PHEX: variants seen among roughly 807,000 people sequenced by gnomAD.
PHEX encodes the protein phosphate regulating endopeptidase X-linked.
A neutral mutation model predicts 68.0 loss-of-function variants in PHEX; 16 were observed. That is an observed-to-expected ratio of 0.24 (90% CI 0.16 to 0.36). PHEX has a LOEUF of 0.36. PHEX is among the 10% of genes least tolerant of loss of function. The pLI is 1.00. For missense variants in PHEX, 480 were observed against 575.5 expected, an observed-to-expected ratio of 0.83 and a Z score of 1.70; for synonymous variants, 208 against 205.1, an observed-to-expected ratio of 1.01 and a Z score of -0.12.
intron 18 of PHEX, among the ~76,000 whole-genome samples, chrX:22,224,050 T>C (rs1209458664): frequency 9.0e-6 from 1 of 111,551 alleles, no homozygotes. Context: ...TGGTGTGATC[T>C]CGGCTCACTA....
chrX:22,133,544 G>A lies in PHEX; in HGVS notation c.1324G>A (p.Val442Ile), dbSNP rs777167473. 17 of 1,206,058 alleles carry A rather than the reference G, an allele frequency of 1.4e-5. No homozygotes were observed. The highest frequency in any genetic ancestry group is 3.5e-5 in the South Asian group (2 of 56,675). ...GTAGATGGAGGAATTGGTTGAGGGC[G>A]TTCGCTGGGCCTTTATTGACATGCT... ...KEMMEELVEG[V>I]RWAFIDMLEK... The change falls in exon 12 of 22, where the codon GTT becomes ATT. Residue 442 changes from valine (V) to isoleucine (I), a missense_variant. Coordinates refer to ENST00000379374, the MANE Select transcript of PHEX (RefSeq NM_000444.6).
chrX:22,208,838 G>C (rs753976894), intron 15 of PHEX, among the ~76,000 whole-genome samples: 2 of 112,238 alleles, frequency 1.8e-5, no homozygotes, highest in South Asian at 7.4e-4. Flanking sequence ...ACTGTGCTAT[G>C]CAAAAGTATG....
At chrX:22,091,823 G>T (rs193192265) in intron 6 of PHEX, among the ~76,000 whole-genome samples, 40 of 112,101 alleles carry the variant, frequency 3.6e-4, no homozygotes, top group African/African-American at 1.2e-3. Context: ...GGCTGGGGAG[G>T]CCTCACAATC....
Position 22,032,519 on chromosome X carries a change from T to A in PHEX, c.-487T>A, listed in dbSNP as rs1926844692. 8.2e-6 allele frequency: 1 copy of A among 121,480 alleles called. No individual in the cohort carries two copies. The highest frequency in any genetic ancestry group is 3.2e-5 in the African/African-American group (1 of 30,920). 10.0% of individuals were successfully genotyped at this position (121,480 alleles called of 1,213,427 possible). ...GAATGATTCTTGCAACAGAATTACA[T>A]GATTAATTGAGATCTTGAAGTGGGT... On this transcript the variant is annotated 5_prime_UTR_variant, in exon 1 of 22. It removes an upstream start codon present in the reference 5' UTR. Coordinates refer to ENST00000379374, the MANE Select transcript of PHEX (RefSeq NM_000444.6).
In PHEX at chrX:22,033,108, A is replaced by G; in HGVS notation, c.103A>G (p.Thr35Ala). 8.3e-7 allele frequency: 1 copy of G among 1,198,075 alleles called. No individual in the cohort carries two copies. Reference sequence around the variant, plus strand: ...TGTCGGTGGCACCCTAGTTCTGGGCACGATCCTCTTTCTAGGTAAGTGGAG... The same window carrying G: ...TGTCGGTGGCACCCTAGTTCTGGGCGCGATCCTCTTTCTAGGTAAGTGGAG... Reference protein sequence around the residue: ...VFVGGTLVLGTILFLVSQGLL... With the variant: ...VFVGGTLVLGAILFLVSQGLL... The change falls in exon 1 of 22, where the codon ACG becomes GCG. Residue 35 changes from threonine to alanine, a missense_variant. By Grantham distance (58) the Thr-to-Ala change is moderately conservative (BLOSUM62 0). Transcript: ENST00000379374.
chrX:22,178,319 G>T lies in PHEX; in HGVS notation c.1529G>T (p.Arg510Leu), dbSNP rs915608304. Residue 510 changes from arginine to leucine, a missense_variant, in exon 14 of 22, where the codon CGC becomes CTC. Arg to Leu is a moderately radical substitution (Grantham distance 102). Coordinates refer to ENST00000379374, the MANE Select transcript of PHEX (RefSeq NM_000444.6). ...ADYFGNVLQT[R>L]KYLAQSDFFW... ...TACTTTGGCAACGTCCTACAAACTC[G>T]CAAGTATTTAGCACAGTCTGATTTC... 8.3e-7 allele frequency: 1 copy of T among 1,202,723 alleles called. No homozygotes were observed. The highest frequency in any genetic ancestry group is 1.8e-5 in the South Asian group (1 of 56,675).
chrX:22,156,312 A>C (rs1378288775), intron 12 of PHEX, among the ~76,000 whole-genome samples: 1 of 110,426 alleles, frequency 9.1e-6, no homozygotes, highest in Non-Finnish European at 1.9e-5. Context: ...TCCTGGCGCC[A>C]ACTTTTTATC....
chrX:22,055,210 A>AAAAAAAAAAAAAAAAAAAAC (rs1928040383), intron 3 of PHEX, among the ~76,000 whole-genome samples: 1 of 74,295 alleles, frequency 1.3e-5, no homozygotes, highest in Non-Finnish European at 2.5e-5. Context: ...AAAAAAAAAA[A>AAAAAAAAAAAAAAAAAAAAC]AAAAACAGAC....
intron 20 of PHEX, among the ~76,000 whole-genome samples, chrX:22,243,545 CTAATATCCAGA>C (rs1348661840): frequency 9.0e-6 from 1 of 111,637 alleles, no homozygotes; most frequent in African/African-American, 3.3e-5. Flanking sequence ...TGACAAAGGG[CTAATATCCAGA>C]ATCTACAAAG....
intron 15 of PHEX, among the ~76,000 whole-genome samples, chrX:22,201,543 T>G (rs1934557635): frequency 9.1e-6 from 1 of 110,439 alleles, no homozygotes; most frequent in Non-Finnish European, 1.9e-5. Context: ...TTGGAGGTCC[T>G]GATACAGACC....
chrX:22,098,291 G>T (rs929121037), intron 8 of PHEX, among the ~76,000 whole-genome samples: 1 of 107,262 alleles, frequency 9.3e-6, no homozygotes, highest in Non-Finnish European at 1.9e-5. Context: ...GAGTATGGGA[G>T]GAAGAAAGAG....
At chrX:22,037,509 T>C (rs1763835836) in intron 1 of PHEX, among the ~76,000 whole-genome samples, 1 of 112,356 alleles carries the variant, frequency 8.9e-6, no homozygotes, top group South Asian at 3.7e-4. Flanking sequence ...AATGCCCAGG[T>C]GCTACCTGGG....
intron 11 of PHEX, among the ~76,000 whole-genome samples, chrX:22,130,081 A>C (rs1002049): frequency 0.022 from 2,489 of 111,919 alleles, 50 homozygotes; most frequent in South Asian, 0.069. Flanking sequence ...ACTTTCCCAC[A>C]TAAAATGAGT....
chrX:22,040,276 C>T (rs747819117), intron 2 of PHEX, among the ~76,000 whole-genome samples: 1 of 111,862 alleles, frequency 8.9e-6, no homozygotes, highest in Non-Finnish European at 1.9e-5. Flanking sequence ...ACATGAGGTA[C>T]TGAGTTAGGT....
chrX:22,219,138 T>C, intron 17 of PHEX, 35 bp downstream of exon 17: 1 of 889,725 alleles, frequency 1.1e-6, no homozygotes, highest in South Asian at 2.0e-5. Context: ...CTGCTGCTTT[T>C]ATAATAATGT....
chrX:22,228,974 A>G (rs183858705), intron 20 of PHEX, among the ~76,000 whole-genome samples: 59 of 111,679 alleles, frequency 5.3e-4, no homozygotes, highest in African/African-American at 1.8e-3. Context: ...GAGTGAGAAC[A>G]TGCGGGGTTT....
intron 6 of PHEX, among the ~76,000 whole-genome samples, chrX:22,093,686 G>A (rs1210914778): frequency 8.9e-6 from 1 of 111,809 alleles, no homozygotes; most frequent in Non-Finnish European, 1.9e-5. Context: ...TGTCTCATTT[G>A]GAGTTATTTC....
chrX:22,052,092 C>T (rs1324008098), intron 3 of PHEX, among the ~76,000 whole-genome samples: 2 of 111,845 alleles, frequency 1.8e-5, no homozygotes, highest in Non-Finnish European at 1.9e-5. Flanking sequence ...ACAGGCTCAT[C>T]GTAGACCAAC....
chrX:22,044,569 C>T (rs1272693492), intron 2 of PHEX, among the ~76,000 whole-genome samples: 3 of 109,100 alleles, frequency 2.7e-5, no homozygotes, highest in South Asian at 4.0e-4. Flanking sequence ...AAAAATTAGC[C>T]GGGCGTGGTG....
Sources: allele counts gnomAD v4.1 joint callset (sites outside exome capture counted in the v4.1 genomes callset), GRCh38; gene constraint gnomAD v4.1.1; transcripts MANE v1.5; gene names NCBI Gene and HGNC (gene_info 2026-07-23, HGNC 2026-07-21).